PDCD6: variants seen among roughly 807,000 people sequenced by gnomAD.
PDCD6 encodes the protein programmed cell death 6, also known as programmed cell death protein 6.
Under a neutral mutation model 28.3 loss-of-function variants are expected in PDCD6, and 12 were observed. That is an observed-to-expected ratio of 0.42 (90% CI 0.27 to 0.69). The LOEUF is 0.69. Ranked by LOEUF, PDCD6 falls within the 30% of genes least tolerant of loss-of-function variation. PDCD6 has a pLI of 0.22. For missense variants in PDCD6, 226 were observed against 269.9 expected (o/e 0.84, Z 1.14); for synonymous variants, 92 against 108.0 (o/e 0.85, Z 0.92).
At chr5:302,175 G>A (rs566253076) in intron 2 of PDCD6, among the ~76,000 whole-genome samples, 2 of 137,512 alleles carry the variant, frequency 1.5e-5, no homozygotes, top group African/African-American at 5.4e-5. Context: ...GCTGGAGGGC[G>A]GGTCGTGGAG....
chr5:278,637 T>C (rs73024874), intron 2 of PDCD6, among the ~76,000 whole-genome samples: 36,264 of 150,562 alleles, frequency 0.24, 6,807 homozygotes, highest in African/African-American at 0.53. Flanking sequence ...TGCTTCAGCC[T>C]AGGAGGTGAA....
intron 2 of PDCD6, among the ~76,000 whole-genome samples, chr5:297,808 C>A (rs1408621377): frequency 6.6e-6 from 1 of 152,142 alleles, no homozygotes; most frequent in East Asian, 1.9e-4. Flanking sequence ...CTTTAGAAGT[C>A]ATCCAAAGTA....
At chr5:282,274 G>T (rs1029611707) in intron 2 of PDCD6, among the ~76,000 whole-genome samples, 11 of 63,062 alleles carry the variant, frequency 1.7e-4, no homozygotes, top group African/African-American at 9.8e-4. Flanking sequence ...GGAAAAATCG[G>T]GGGGGGGGGA....
chr5:294,083 A>G lies in PDCD6; in HGVS notation c.164-10094A>G, dbSNP rs532375615. The stretch of plus-strand genomic sequence containing the variant: ...TTTATCACAGGCCTAAATGGAGAAC[A>G]TAACGCTATAAAACCCTTAGATAAA... On this transcript the variant is annotated intron_variant, in intron 2 of 5. Transcript: ENST00000264933. Among the ~76,000 whole-genome samples, 53 of 150,930 alleles carry G rather than the reference A, an allele frequency of 3.5e-4. No homozygotes were observed. The South Asian group carries it at 0.011, about 30-fold the overall frequency.
At chr5:281,370 C>T (rs531469553) in intron 2 of PDCD6, among the ~76,000 whole-genome samples, 195 of 151,920 alleles carry the variant, frequency 1.3e-3, no homozygotes, top group Non-Finnish European at 2.3e-3. Flanking sequence ...GGGGAGGAGC[C>T]GGTGCTGCCT....
intron 2 of PDCD6, among the ~76,000 whole-genome samples, chr5:274,198 A>G (rs762800447): frequency 5.3e-5 from 8 of 152,260 alleles, no homozygotes; most frequent in African/African-American, 9.6e-5. Flanking sequence ...CTCAGAGGCC[A>G]TGTTTCAGAG....
intron 2 of PDCD6, among the ~76,000 whole-genome samples, chr5:296,775 T>TG (rs953095297): frequency 1.3e-4 from 19 of 151,782 alleles, no homozygotes; most frequent in Non-Finnish European, 2.4e-4. Context: ...TGCACATGGG[T>TG]GGGGGGGCCC....
intron 2 of PDCD6, chr5:288,979 G>C: frequency 1.5e-6 from 2 of 1,332,936 alleles, no homozygotes; most frequent in Non-Finnish European, 2.2e-6. Context: ...CTACTTTCAG[G>C]GCCTTCGTTT....
At chr5:298,582 C>T (rs1279609298) in intron 2 of PDCD6, among the ~76,000 whole-genome samples, 1 of 150,818 alleles carries the variant, frequency 6.6e-6, no homozygotes, top group Admixed American at 6.6e-5. Flanking sequence ...CTCAGGCCCT[C>T]AAGGGCTCCT....
In PDCD6 at chr5:310,012, G is replaced by A. The variant is rs368973327; in HGVS notation, c.368-1281G>A. 160 of 238,548 alleles carry A rather than the reference G, an allele frequency of 6.7e-4. 1 individual carries two copies. Among genetic ancestry groups the A allele is most frequent in the South Asian group, 4.4e-3 (132 of 29,946 alleles). The allele number at this position is 238,548 out of a possible 1,614,324, so 14.8% of individuals were successfully genotyped here. ...GTGCCCGTGCACCCCAGTGATGGCCGCCGTCCCCGTGCACACCAGTGATGG... is the reference window on the plus strand; with the variant it reads ...GTGCCCGTGCACCCCAGTGATGGCCACCGTCCCCGTGCACACCAGTGATGG... On this transcript the variant is annotated intron_variant, in intron 4 of 5. Coordinates refer to ENST00000264933, the MANE Select transcript of PDCD6 (RefSeq NM_013232.4).
rs1365728054 is a variant in PDCD6 at position 271,706 on chromosome 5, C to T, written c.-15C>T. 2.0e-6 allele frequency: 3 copies of T among 1,493,408 alleles called. No individual in the cohort carries two copies. Among genetic ancestry groups the T allele is most frequent in the East Asian group, 5.0e-5 (2 of 39,628 alleles). 92.5% of individuals were successfully genotyped at this position (1,493,408 alleles called of 1,614,324 possible). A position where few individuals can be genotyped will look rare whatever the true frequency, so the allele number is the denominator to read the frequency against. On this transcript the variant is annotated 5_prime_UTR_variant, in exon 1 of 6. Coordinates refer to ENST00000264933, the MANE Select transcript of PDCD6 (RefSeq NM_013232.4). ...GTCGCTGCAGGCGCCTCAGCCCAGC[C>T]GCGTGCCTTGGCCCATGGCCGCCTA...
chr5:274,366 C>A (rs995702183), intron 2 of PDCD6, among the ~76,000 whole-genome samples: 6 of 152,232 alleles, frequency 3.9e-5, no homozygotes, highest in Admixed American at 1.3e-4. Context: ...AAATACTGGA[C>A]CGCATTAGTA....
intron 2 of PDCD6, among the ~76,000 whole-genome samples, chr5:282,100 A>G (rs1253456943): frequency 3.4e-5 from 5 of 145,594 alleles, no homozygotes; most frequent in African/African-American, 7.8e-5. Flanking sequence ...GGAACTGCTC[A>G]TGTAGTTTGA....
chr5:301,162 A>T (rs561525233), intron 2 of PDCD6, among the ~76,000 whole-genome samples: 1 of 152,206 alleles, frequency 6.6e-6, no homozygotes, highest in Non-Finnish European at 1.5e-5. Context: ...CACACAGTCA[A>T]TCCAGGGCCA....
At chr5:299,773 T>A (rs1231563050) in intron 2 of PDCD6, among the ~76,000 whole-genome samples, 5 of 152,184 alleles carry the variant, frequency 3.3e-5, no homozygotes, top group African/African-American at 7.2e-5. Flanking sequence ...ATGGTCTCGA[T>A]CTCCTCACCT....
intron 2 of PDCD6, among the ~76,000 whole-genome samples, chr5:288,392 T>C (rs1739116504): frequency 6.6e-6 from 1 of 150,686 alleles, no homozygotes; most frequent in Admixed American, 6.6e-5. Flanking sequence ...AACCCTGTTA[T>C]TCACATGTTA....
chr5:314,969 A>G lies in PDCD6; in HGVS notation c.*454A>G. On this transcript the variant is annotated 3_prime_UTR_variant, in exon 6 of 6. Coordinates refer to ENST00000264933, the MANE Select transcript of PDCD6 (RefSeq NM_013232.4). ...ACGTAAGCAATAAAGGGAATGTTAG[A>G]CGTGTGGTCTGCCTTCAGCTTTTCA... The G allele has an allele frequency of 3.5e-6, 1 of 287,168 alleles. No individual in the cohort carries two copies. The allele number at this position is 287,168 out of a possible 1,614,324, so 17.8% of individuals were successfully genotyped here.
chr5:313,006 C>G (rs1327515033), intron 5 of PDCD6, among the ~76,000 whole-genome samples: 4 of 152,204 alleles, frequency 2.6e-5, no homozygotes, highest in African/African-American at 9.7e-5. Flanking sequence ...ACACAGGCGG[C>G]CTCACAGCGA....
chr5:285,708 C>T lies in PDCD6; in HGVS notation c.163+12936C>T, dbSNP rs1040344534. On this transcript the variant is annotated intron_variant, in intron 2 of 5. Transcript: ENST00000264933. ...GGCCGTGCAGCTGGCGACCCGGGGG[C>T]GGGCTGATGTTCCAGTTTGAAGGCC... is the stretch of plus-strand genomic sequence containing the variant. 9.4e-4 allele frequency among the ~76,000 whole-genome samples: 110 copies of T among 116,650 alleles called. 1 individual carries two copies. The highest frequency in any genetic ancestry group is 3.6e-3 in the African/African-American group (103 of 28,958). The allele number at this position is 116,650 out of a possible 152,430, so 76.5% of individuals were successfully genotyped here. A position where few individuals can be genotyped will look rare whatever the true frequency, so the allele number is the denominator to read the frequency against.
Sources: gnomAD v4.1 joint callset for allele counts (sites outside exome capture counted in the v4.1 genomes callset) on GRCh38, gnomAD v4.1.1 for gene constraint, MANE v1.5 for transcripts, NCBI Gene and HGNC (gene_info 2026-07-23, HGNC 2026-07-21) for gene names.